PYHIN1: variants seen among roughly 807,000 people sequenced by gnomAD.
PYHIN1 encodes the protein pyrin and HIN domain-containing protein 1.
Under a neutral mutation model 43.7 loss-of-function variants are expected in PYHIN1, and 32 were observed. The ratio of observed to expected loss-of-function variants is 0.73; its 90% CI spans 0.55 to 0.98. PYHIN1 has a LOEUF of 0.98. Ranked by LOEUF, PYHIN1 falls within the 50% of genes least tolerant of loss-of-function variation. The pLI is 0.00. For synonymous variants in PYHIN1, 205 were observed against 203.1 expected (o/e 1.01, Z -0.08); for missense variants, 588 against 589.5 (o/e 1.00, Z 0.03).
chr1:158,944,424 T>A (rs1462048383), intron 6 of PYHIN1, among the ~76,000 whole-genome samples: 2 of 152,200 alleles, frequency 1.3e-5, no homozygotes, highest in Non-Finnish European at 2.9e-5. Flanking sequence ...GACAAACCAG[T>A]ATGCACTAGA....
rs1172801473 is a variant in PYHIN1, at chr1:158,958,167, A to G, written c.1359+13125A>G. Among the ~76,000 whole-genome samples, 6 of 151,464 alleles carry G rather than the reference A, an allele frequency of 4.0e-5. No homozygotes were observed. The East Asian group carries it at 1.2e-3, about 29-fold the overall frequency. ...TTTTACACTGTTGGTGGGACTGTAA[A>G]CTAGTTCAACCATTGTGGAAGTCAG... On this transcript the variant is annotated intron_variant, in intron 7 of 8. Transcript: ENST00000368140.
intron 7 of PYHIN1, 126 bp downstream of exon 7, chr1:158,945,168 C>T (rs1382647033): frequency 1.2e-5 from 12 of 981,122 alleles, no homozygotes; most frequent in Non-Finnish European, 1.8e-5. Context: ...TTAAATCACC[C>T]ATGTATTTAT....
At chr1:158,984,699 TC>T in the PYHIN1 span, among the ~76,000 whole-genome samples, 1 of 152,166 alleles carries the variant, frequency 6.6e-6, no homozygotes, top group Non-Finnish European at 1.5e-5. Flanking sequence ...TTCCTGAATA[TC>T]TTTGTTAGTT....
chr1:158,939,352 T>A, intron 4 of PYHIN1, 105 bp downstream of exon 4: 2 of 1,593,010 alleles, frequency 1.3e-6, no homozygotes, highest in Non-Finnish European at 1.7e-6. Context: ...AGCCAGTAAA[T>A]CAAATGTATA....
In PYHIN1 at chr1:158,973,713, G is replaced by A. The variant is rs1217326836; in HGVS notation, c.1426G>A (p.Ala476Thr). The change falls in exon 8 of 9, where the codon GCC (alanine) becomes ACC (threonine). Residue 476 changes from alanine (A) to threonine (T), a missense_variant. Ala to Thr is a moderately conservative substitution (Grantham distance 58). Transcript: ENST00000368140. The stretch of plus-strand genomic sequence containing the variant: ...CTTTAGAATCACCTCACCAACTGTG[G>A]CCCCTCCTCTTTCTTCTGACACTTC... ...ANFRITSPTV[A>T]PPLSSDTSTN... 4 of 1,613,026 alleles carry A rather than the reference G, an allele frequency of 2.5e-6. No homozygotes were observed. The highest frequency in any genetic ancestry group is 1.7e-5 in the Admixed American group (1 of 59,816).
the PYHIN1 span, among the ~76,000 whole-genome samples, chr1:158,984,916 T>C: frequency 2.0e-5 from 3 of 152,214 alleles, no homozygotes; most frequent in African/African-American, 7.2e-5. Flanking sequence ...CCCTTCTTCA[T>C]CCTCTTTGAT....
chr1:158,959,017 AC>A (rs1234533152), intron 7 of PYHIN1, among the ~76,000 whole-genome samples: 1 of 149,974 alleles, frequency 6.7e-6, no homozygotes, highest in Non-Finnish European at 1.5e-5. Flanking sequence ...AACAATCCCC[AC>A]CCCCACCAAA....
the PYHIN1 span, among the ~76,000 whole-genome samples, chr1:158,989,059 C>T: frequency 6.6e-6 from 1 of 152,078 alleles, no homozygotes. Flanking sequence ...GACCTGTATC[C>T]CTTTTCTTCT....
intron 7 of PYHIN1, among the ~76,000 whole-genome samples, chr1:158,952,832 A>T (rs930370164): frequency 6.6e-6 from 1 of 152,140 alleles, no homozygotes; most frequent in East Asian, 1.9e-4. Context: ...CTGCATTTCC[A>T]TCTGAGGTAC....
chr1:158,948,848 A>G (rs1032006892), intron 7 of PYHIN1, among the ~76,000 whole-genome samples: 1 of 152,192 alleles, frequency 6.6e-6, no homozygotes, highest in Non-Finnish European at 1.5e-5. Context: ...TTAATATCAT[A>G]ACACTAGCAA....
In PYHIN1 at chr1:158,938,475, C is replaced by T. The variant is rs1184815223; in HGVS notation, c.344C>T (p.Ala115Val). The change falls in exon 3 of 9, where the codon GCT becomes GTT. Residue 115 changes from alanine to valine, a missense_variant. By Grantham distance (64) the Ala-to-Val change is moderately conservative (BLOSUM62 0). Coordinates refer to ENST00000368140, the MANE Select transcript of PYHIN1 (RefSeq NM_152501.5). ...KKTKQKEVYPATPACTPSNRL... is the reference protein window; with the variant it reads ...KKTKQKEVYPVTPACTPSNRL... ...ACGAAACAGAAAGAAGTGTATCCTGCTACACCTGCATGCACCCCAAGCAAC... is the reference window on the plus strand; with the variant it reads ...ACGAAACAGAAAGAAGTGTATCCTGTTACACCTGCATGCACCCCAAGCAAC... The T allele has an allele frequency of 1.2e-6, 2 of 1,614,126 alleles. No homozygotes were observed. The highest frequency in any genetic ancestry group is 1.7e-6 in the Non-Finnish European group (2 of 1,179,968).
chr1:158,987,417 T>C, the PYHIN1 span, among the ~76,000 whole-genome samples: 1 of 152,208 alleles, frequency 6.6e-6, no homozygotes, highest in East Asian at 1.9e-4. Flanking sequence ...TGGTCTTTAT[T>C]ATTAAGTTGT....
chr1:158,954,658 T>C lies in PYHIN1; in HGVS notation c.1359+9616T>C, dbSNP rs1571754108. 2.7e-5 allele frequency among the ~76,000 whole-genome samples: 4 copies of C among 147,340 alleles called. No homozygotes were observed. In the South Asian group the frequency reaches 8.9e-4, roughly 33 times the overall value. The stretch of plus-strand genomic sequence containing the variant: ...GCCGCTGCAAAATCATGCCAAAATG[T>C]AAAGACCATCGAGACTAGGAAGAAA... On this transcript the variant is annotated intron_variant, in intron 7 of 8. Coordinates refer to ENST00000368140, the MANE Select transcript of PYHIN1 (RefSeq NM_152501.5).
At position 158,938,497 on chromosome 1, in the gene PYHIN1, C is replaced by A. The variant is rs1185655477; in HGVS notation, c.366C>A (p.Ser122Arg). 1.9e-6 allele frequency: 3 copies of A among 1,614,110 alleles called. No homozygotes were observed. The highest frequency in any genetic ancestry group is 1.1e-5 in the South Asian group (1 of 91,092). The change falls in exon 3 of 9, where the codon AGC becomes AGA. Residue 122 changes from serine to arginine, a missense_variant. Transcript: ENST00000368140. ...CTGCTACACCTGCATGCACCCCAAG[C>A]AACCGTCTCACAGCTAAAGGAGCAG... ...VYPATPACTP[S>R]NRLTAKGAEE...
At chr1:158,951,862 T>C (rs1649549940) in intron 7 of PYHIN1, among the ~76,000 whole-genome samples, 1 of 152,222 alleles carries the variant, frequency 6.6e-6, no homozygotes, top group Non-Finnish European at 1.5e-5. Context: ...TTACTTAAAT[T>C]GGATTTGGAG....
intron 7 of PYHIN1, among the ~76,000 whole-genome samples, chr1:158,957,627 C>T (rs1102011): frequency 0.92 from 126,104 of 137,734 alleles, 58,869 homozygotes; most frequent in East Asian, 1. Context: ...AAGACTTAAA[C>T]GTTAGACCTA....
At chr1:158,948,928 C>CA (rs1232072121) in intron 7 of PYHIN1, among the ~76,000 whole-genome samples, 5 of 152,130 alleles carry the variant, frequency 3.3e-5, no homozygotes, top group African/African-American at 1.2e-4. Context: ...ACCTGGGTCA[C>CA]AAAGGCGGAG....
intron 7 of PYHIN1, 142 bp from the exon 8 acceptor site, chr1:158,973,505 T>TCACACACACACACACA (rs144676333): frequency 4.1e-6 from 2 of 482,816 alleles, no homozygotes; most frequent in Non-Finnish European, 3.6e-6. Context: ...AAAGGGATTT[T>TCACACACACACACACA]CACACACACA....
At position 158,942,341 on chromosome 1, in the gene PYHIN1, A is replaced by G. The variant is rs1374272590; in HGVS notation, c.944A>G (p.Asn315Ser). ...AGAGCAAAGAAAATTCCGAAGATCA[A>G]TATTCTTCACAAACAAACTTCAGGA... ...IRRAKKIPKI[N>S]ILHKQTSGYI... Residue 315 changes from asparagine (N) to serine (S), a missense_variant, in exon 5 of 9, where the codon AAT becomes AGT. Coordinates refer to ENST00000368140, the MANE Select transcript of PYHIN1 (RefSeq NM_152501.5). 8 of 1,612,434 alleles carry G rather than the reference A, an allele frequency of 5.0e-6. No homozygotes were observed. In the Admixed American group the frequency reaches 1.0e-4, roughly 20 times the overall value.
Sources: gnomAD v4.1 joint callset for allele counts (sites outside exome capture counted in the v4.1 genomes callset) on GRCh38, gnomAD v4.1.1 for gene constraint, MANE v1.5 for transcripts, NCBI Gene and HGNC (gene_info 2026-07-23, HGNC 2026-07-21) for gene names.